Variants in PRDM16 observed in about 807,000 individuals in gnomAD.
The protein encoded by PRDM16 is PR/SET domain 16, also known as histone-lysine N-methyltransferase PRDM16.
A neutral mutation model predicts 110.6 loss-of-function variants in PRDM16; 23 were observed. The ratio of observed to expected loss-of-function variants is 0.21; its 90% CI spans 0.15 to 0.29. The LOEUF (loss-of-function observed/expected upper bound fraction) is 0.29. PRDM16 is among the 10% of genes least tolerant of loss of function. The pLI, the probability that PRDM16 is intolerant of heterozygous loss-of-function variation, is 1.00. For missense variants in PRDM16, 1,615 were observed against 1,794.3 expected, an observed-to-expected ratio of 0.90 and a Z score of 1.81; for synonymous variants, 799 against 781.8, an observed-to-expected ratio of 1.02 and a Z score of -0.37.
intron 3 of PRDM16, among the ~76,000 whole-genome samples, chr1:3,361,490 G>C (rs1381627546): frequency 6.6e-6 from 1 of 152,252 alleles, no homozygotes; most frequent in African/African-American, 2.4e-5. Context: ...AGGCTACAAA[G>C]AAAAGGGTAT....
intron 1 of PRDM16, among the ~76,000 whole-genome samples, chr1:3,168,786 A>AC (rs1185788267): frequency 6.6e-6 from 1 of 152,180 alleles, no homozygotes; most frequent in African/African-American, 2.4e-5. Context: ...GGCCCATGGA[A>AC]AGTGCTCTGC....
intron 3 of PRDM16, chr1:3,309,348 G>A (rs1264995524): frequency 6.6e-6 from 1 of 152,368 alleles, no homozygotes; most frequent in Non-Finnish European, 1.5e-5. Flanking sequence ...ATTCCCTGGT[G>A]CACTGAGGAG....
rs1224023393 is a variant in PRDM16 at position 3,339,209 on chromosome 1, C to T, written c.439-45943C>T. Among the ~76,000 whole-genome samples, 1 of 152,122 alleles carries T rather than the reference C, an allele frequency of 6.6e-6. No homozygotes were observed. Among genetic ancestry groups the T allele is most frequent in the East Asian group, 1.9e-4 (1 of 5,162 alleles). ...ACCCTCACCTCCAGCTGCTGAAAGC[C>T]GAACCACGTTTTGTGGGATACTGCC... On this transcript the variant is annotated intron_variant, in intron 3 of 16. Coordinates refer to ENST00000270722, the MANE Select transcript of PRDM16 (RefSeq NM_022114.4). The surrounding 1 kb of genome is among the most constrained non-coding windows in gnomAD (Gnocchi z 5.0).
rs778028723 is a variant in PRDM16, at chr1:3,412,120, G to C, written c.1923G>C (p.Lys641Asn). 6.4e-7 allele frequency: 1 copy of C among 1,569,702 alleles called. No homozygotes were observed. The highest frequency in any genetic ancestry group is 8.6e-7 in the Non-Finnish European group (1 of 1,157,730). The change falls in exon 9 of 17, where the codon AAG becomes AAC. Residue 641 changes from lysine to asparagine, a missense_variant. Physicochemically the swap from Lys to Asn is moderately conservative, Grantham distance 94. Around this residue, in one of 5 missense-constraint regions of PRDM16, gnomAD observed 772 missense variants for 748.3 expected, o/e 1.03. Transcript: ENST00000270722. ...CTGACAAGGACAAGGGCAAGGGCAA[G>C]TCCGCCGAGGGCCAGCCCAAGTTTG... ...SDPDKDKGKG[K>N]SAEGQPKFGG...
Position 3,175,010 on chromosome 1 carries a change from C to G in PRDM16, c.38-11115C>G, listed in dbSNP as rs1166034612. Among the ~76,000 whole-genome samples the G allele has an allele frequency of 1.3e-5, 2 of 152,186 alleles. No individual in the cohort carries two copies. Among genetic ancestry groups the G allele is most frequent in the African/African-American group, 4.8e-5 (2 of 41,446 alleles). ...GGGGAATGCCAATGAGTCCCAGTGC[C>G]GCAGGGCAGCCGCGGTCCCGGGCTG... On this transcript the variant is annotated intron_variant, in intron 1 of 16. Coordinates refer to ENST00000270722, the MANE Select transcript of PRDM16 (RefSeq NM_022114.4). This position sits in a 1 kb window ranked among gnomAD's most constrained non-coding sequence, Gnocchi z 4.8.
At chr1:3,200,295 C>T (rs1638588129) in intron 2 of PRDM16, among the ~76,000 whole-genome samples, 1 of 152,170 alleles carries the variant, frequency 6.6e-6, no homozygotes, top group South Asian at 2.1e-4. Flanking sequence ...ACAGGCTCTA[C>T]CGAGGCCCTT....
intron 1 of PRDM16, among the ~76,000 whole-genome samples, chr1:3,111,695 T>G (rs1642799256): frequency 6.6e-6 from 1 of 152,118 alleles, no homozygotes; most frequent in South Asian, 2.1e-4. Flanking sequence ...ACCGGCCTTT[T>G]GTCTGCTGCC....
At chr1:3,287,680 T>C (rs563791623) in intron 3 of PRDM16, among the ~76,000 whole-genome samples, 1 of 104,292 alleles carries the variant, frequency 9.6e-6, no homozygotes, top group Non-Finnish European at 1.8e-5. Flanking sequence ...CAGGATTGCA[T>C]TTACCGGGGC....
intron 4 of PRDM16, chr1:3,386,828 C>T (rs1643209386): frequency 6.6e-6 from 1 of 152,072 alleles, no homozygotes; most frequent in African/African-American, 2.4e-5. Context: ...TGGGCCAGGG[C>T]TGTGCTTTTG....
intron 3 of PRDM16, among the ~76,000 whole-genome samples, chr1:3,294,625 C>T (rs568053038): frequency 8.0e-4 from 122 of 152,258 alleles, no homozygotes; most frequent in African/African-American, 2.6e-3. Context: ...AGGATCCCGA[C>T]GGATCCCGTG....
At chr1:3,371,738 C>T (rs987281311) in intron 3 of PRDM16, among the ~76,000 whole-genome samples, 9 of 152,272 alleles carry the variant, frequency 5.9e-5, no homozygotes, top group Non-Finnish European at 7.3e-5. Context: ...AGGTGCATGG[C>T]GCTGGTCCTG....
chr1:3,320,578 G>A (rs934327437), intron 3 of PRDM16, among the ~76,000 whole-genome samples: 18 of 152,292 alleles, frequency 1.2e-4, no homozygotes, highest in African/African-American at 2.9e-4. Context: ...TCTGTCCCCC[G>A]GACACAGAGA....
intron 2 of PRDM16, among the ~76,000 whole-genome samples, chr1:3,218,050 C>T (rs1447746886): frequency 1.3e-5 from 2 of 152,242 alleles, no homozygotes; most frequent in African/African-American, 4.8e-5. Flanking sequence ...CTGGGGCGAG[C>T]CCCTCGCTGC....
rs375803968 is a variant in PRDM16, at chr1:3,081,006, T to TA, written c.37+11718dup. Among the ~76,000 whole-genome samples the TA allele has an allele frequency of 6.6e-6, 1 of 151,020 alleles. No individual in the cohort carries two copies. The highest frequency in any genetic ancestry group is 1.5e-5 in the Non-Finnish European group (1 of 67,798). ...CGAGTGTCCTCATGAACAAAAGGCC[T>TA]AAAAAAAAGCAGAGAGTAAGGGAGC... On this transcript the variant is annotated intron_variant, in intron 1 of 16. Coordinates refer to ENST00000270722, the MANE Select transcript of PRDM16 (RefSeq NM_022114.4). This position sits in a 1 kb window ranked among gnomAD's most constrained non-coding sequence, Gnocchi z 4.6.
intron 3 of PRDM16, among the ~76,000 whole-genome samples, chr1:3,319,592 C>T (rs1005644522): frequency 3.3e-5 from 5 of 152,166 alleles, no homozygotes; most frequent in Non-Finnish European, 5.9e-5. Context: ...TGGCCCCTGG[C>T]TTCAGGGATG....
intron 2 of PRDM16, among the ~76,000 whole-genome samples, chr1:3,226,770 C>T (rs76945649): frequency 0.043 from 6,610 of 152,266 alleles, 209 homozygotes; most frequent in African/African-American, 0.091. Flanking sequence ...AACCCCTGCA[C>T]GCCTTCGCAG....
chr1:3,432,209 T>C, intron 16 of PRDM16, 69 bp downstream of exon 16: 3 of 1,432,830 alleles, frequency 2.1e-6, no homozygotes, highest in Non-Finnish European at 2.9e-6. Context: ...CCAGCACTCC[T>C]CTCCCGCCGT....
intron 1 of PRDM16, among the ~76,000 whole-genome samples, chr1:3,138,927 G>A (rs12022644): frequency 0.19 from 29,225 of 152,106 alleles, 3,483 homozygotes; most frequent in East Asian, 0.44. Flanking sequence ...GAGGCGGGAT[G>A]AGGCCGTTCC....
At chr1:3,164,071 T>A (rs1451383290) in intron 1 of PRDM16, among the ~76,000 whole-genome samples, 1 of 152,232 alleles carries the variant, frequency 6.6e-6, no homozygotes, top group East Asian at 1.9e-4. Context: ...TTGTTCTGAA[T>A]CTGGGCCACT....
Sources: gnomAD v4.1 joint callset for allele counts (sites outside exome capture counted in the v4.1 genomes callset) on GRCh38, gnomAD v4.1.1 for gene constraint, gnomAD v4.1.1 regional missense constraint, Gnocchi (gnomAD v3.1) non-coding constraint, MANE v1.5 for transcripts, NCBI Gene and HGNC (gene_info 2026-07-23, HGNC 2026-07-21) for gene names.